XRCC4: variants seen among roughly 807,000 people sequenced by gnomAD.
The protein encoded by XRCC4 is DNA repair protein XRCC4.
Under a neutral mutation model 39.1 loss-of-function variants are expected in XRCC4, and 28 were observed. The observed-to-expected ratio is 0.72, with a 90% confidence interval of 0.53 to 0.98. The LOEUF is 0.98. Among genes scored for constraint, XRCC4 ranks in the 50% least tolerant of loss-of-function variants. The pLI is 0.00. For missense variants in XRCC4, 350 were observed against 376.4 expected (o/e 0.93, Z 0.58); for synonymous variants, 123 against 126.4 (o/e 0.97, Z 0.18).
intron 7 of XRCC4, among the ~76,000 whole-genome samples, chr5:83,283,830 C>G (rs1215820697): frequency 2.6e-5 from 4 of 151,868 alleles, no homozygotes; most frequent in Non-Finnish European, 5.9e-5. Flanking sequence ...ATTGATCTAA[C>G]CCCCAAAGTA....
At chr5:83,185,329 G>A (rs1750386588) in intron 3 of XRCC4, among the ~76,000 whole-genome samples, 1 of 147,504 alleles carries the variant, frequency 6.8e-6, no homozygotes, top group Non-Finnish European at 1.5e-5. Flanking sequence ...ACAATAATTT[G>A]AAAATTAGTG....
chr5:83,210,511 T>C (rs1044140404), intron 6 of XRCC4, among the ~76,000 whole-genome samples: 3 of 152,160 alleles, frequency 2.0e-5, no homozygotes, highest in African/African-American at 7.2e-5. Flanking sequence ...ACGTTACTTT[T>C]GGTTACACAG....
intron 7 of XRCC4, among the ~76,000 whole-genome samples, chr5:83,348,877 A>G (rs1171240467): frequency 6.6e-6 from 1 of 152,190 alleles, no homozygotes; most frequent in Non-Finnish European, 1.5e-5. Context: ...GCAGCAGGCC[A>G]CACCTTGAAT....
intron 1 of XRCC4, among the ~76,000 whole-genome samples, chr5:83,095,231 CAG>C (rs986898240): frequency 1.3e-4 from 20 of 152,234 alleles, no homozygotes; most frequent in African/African-American, 4.8e-4. Flanking sequence ...TCTTATCTGA[CAG>C]GACCACCGTC....
chr5:83,088,064 T>A (rs1010690456), intron 1 of XRCC4, among the ~76,000 whole-genome samples: 1 of 152,220 alleles, frequency 6.6e-6, no homozygotes, highest in Admixed American at 6.5e-5. Context: ...TTCTGAACAT[T>A]GGATTCCTCA....
rs537971281 is a variant in XRCC4 at position 83,268,300 on chromosome 5, A to C, written c.893+9623A>C. On this transcript the variant is annotated intron_variant, in intron 7 of 7. Coordinates refer to ENST00000396027, the MANE Select transcript of XRCC4 (RefSeq NM_003401.5). ...AACTTAGTCTTTACCAAAATAAATC[A>C]TCTATCTTACTTTAGAAATCAACCT... Among the ~76,000 whole-genome samples the C allele has an allele frequency of 3.3e-5, 5 of 152,280 alleles. 1 individual carries two copies. The South Asian group carries it at 1.0e-3, about 32-fold the overall frequency.
rs1439604853 is a variant in XRCC4, at chr5:83,259,000, T to C, written c.893+323T>C. The C allele has an allele frequency of 4.2e-5, 11 of 262,142 alleles. No homozygotes were observed. The Admixed American group carries it at 5.3e-4, about 13-fold the overall frequency. The allele number at this position is 262,142 out of a possible 1,614,324, so 16.2% of individuals were successfully genotyped here. A position where few individuals can be genotyped will look rare whatever the true frequency, so the allele number is the denominator to read the frequency against. ...AAAGTGTTTCAATCTAATTTACTGC[T>C]TGAAAGAGACCCGTATGGCATTCAA... On this transcript the variant is annotated intron_variant, in intron 7 of 7. Transcript: ENST00000396027.
chr5:83,264,328 T>G (rs1207139646), intron 7 of XRCC4, among the ~76,000 whole-genome samples: 2 of 152,126 alleles, frequency 1.3e-5, no homozygotes, highest in African/African-American at 4.8e-5. Context: ...ACATAGAGTT[T>G]AGGCAATATT....
At chr5:83,189,742 A>G (rs1212876321) in intron 3 of XRCC4, among the ~76,000 whole-genome samples, 3 of 152,170 alleles carry the variant, frequency 2.0e-5, no homozygotes, top group Non-Finnish European at 4.4e-5. Flanking sequence ...TAGGAGGTGC[A>G]TTTGTGATGT....
chr5:83,358,951 G>T, the XRCC4 span, among the ~76,000 whole-genome samples: 2 of 152,178 alleles, frequency 1.3e-5, no homozygotes, highest in Non-Finnish European at 2.9e-5. Flanking sequence ...GATGACATAT[G>T]CTTCATCCCA....
intron 1 of XRCC4, among the ~76,000 whole-genome samples, chr5:83,080,121 G>A (rs1377908113): frequency 1.3e-5 from 2 of 152,148 alleles, no homozygotes; most frequent in Non-Finnish European, 1.5e-5. Flanking sequence ...TATAATGGAG[G>A]AATGGTTGAA....
At chr5:83,352,693 G>A (rs1054191649) in intron 7 of XRCC4, among the ~76,000 whole-genome samples, 5 of 152,070 alleles carry the variant, frequency 3.3e-5, no homozygotes, top group Non-Finnish European at 7.4e-5. Flanking sequence ...ACCCACTAAA[G>A]GTAATTCATG....
intron 3 of XRCC4, among the ~76,000 whole-genome samples, chr5:83,142,000 A>G (rs1483963468): frequency 6.6e-6 from 1 of 152,202 alleles, no homozygotes; most frequent in East Asian, 1.9e-4. Flanking sequence ...GTGTGGAAAT[A>G]TCTTACCTAT....
intron 3 of XRCC4, among the ~76,000 whole-genome samples, chr5:83,136,403 CA>C (rs1298644128): frequency 2.0e-5 from 3 of 152,186 alleles, no homozygotes; most frequent in African/African-American, 7.2e-5. Context: ...ATTCCATGCA[CA>C]TAAGACATTC....
At chr5:83,142,742 T>A (rs1412403511) in intron 3 of XRCC4, among the ~76,000 whole-genome samples, 1 of 152,214 alleles carries the variant, frequency 6.6e-6, no homozygotes, top group Non-Finnish European at 1.5e-5. Context: ...AGGAACCCGT[T>A]CTGTAGATGG....
intron 1 of XRCC4, among the ~76,000 whole-genome samples, chr5:83,094,946 G>A (rs1745609178): frequency 6.9e-6 from 1 of 145,686 alleles, no homozygotes; most frequent in Admixed American, 6.8e-5. Context: ...CATTGTTGGA[G>A]TTTTATTCAT....
intron 7 of XRCC4, among the ~76,000 whole-genome samples, chr5:83,298,687 T>C (rs1371494252): frequency 6.6e-6 from 1 of 151,974 alleles, no homozygotes; most frequent in Non-Finnish European, 1.5e-5. Flanking sequence ...TTTTATCTTT[T>C]CTATTTTGGA....
chr5:83,278,264 G>A (rs964657240), intron 7 of XRCC4, among the ~76,000 whole-genome samples: 2 of 152,184 alleles, frequency 1.3e-5, no homozygotes, highest in African/African-American at 2.4e-5. Context: ...TAAATATGCA[G>A]AGATTAACCA....
chr5:83,232,849 C>A (rs78691589), intron 6 of XRCC4, among the ~76,000 whole-genome samples: 116 of 152,180 alleles, frequency 7.6e-4, no homozygotes, highest in African/African-American at 2.6e-3. Context: ...CTCATTTCAT[C>A]TTGACCACAA....
Sources: gnomAD v4.1 joint callset for allele counts (sites outside exome capture counted in the v4.1 genomes callset) on GRCh38, gnomAD v4.1.1 for gene constraint, MANE v1.5 for transcripts, NCBI Gene and HGNC (gene_info 2026-07-23, HGNC 2026-07-21) for gene names.